The following PTPRD variants were observed in gnomAD, a reference collection of about 807,000 sequenced individuals.
The protein encoded by PTPRD is protein tyrosine phosphatase receptor type D, also known as receptor-type tyrosine-protein phosphatase delta.
A neutral mutation model predicts 214.5 loss-of-function variants in PTPRD; 34 were observed. That is an observed-to-expected ratio of 0.16 (90% confidence interval 0.12 to 0.21). PTPRD has a LOEUF of 0.21. Among genes scored for constraint, PTPRD ranks in the 10% least tolerant of loss-of-function variants. The probability of loss-of-function intolerance (pLI) is 1.00; values close to 1 mark genes in which losing one functional copy is unlikely to be tolerated. For synonymous variants in PTPRD, 1,128 were observed against 845.7 expected (o/e 1.33, Z -5.79); for missense variants, 2,545 against 2,398.7 (o/e 1.06, Z -1.27).
chr9:9,310,125 G>C (rs1384427715), intron 9 of PTPRD, among the ~76,000 whole-genome samples: 1 of 152,098 alleles, frequency 6.6e-6, no homozygotes, highest in Admixed American at 6.6e-5. Flanking sequence ...TTTCCAGACT[G>C]TGTATACTAA....
intron 25 of PTPRD, 25 bp downstream of exon 25, chr9:8,499,622 G>C (rs759740391): frequency 5.5e-5 from 88 of 1,593,548 alleles, no homozygotes; most frequent in Admixed American, 1.3e-4. Flanking sequence ...TATAAAAACA[G>C]AGGTACATAA....
chr9:9,504,285 G>A (rs765512103), intron 8 of PTPRD, among the ~76,000 whole-genome samples: 26 of 151,548 alleles, frequency 1.7e-4, no homozygotes, highest in Non-Finnish European at 3.2e-4. Context: ...TGTTTTATAT[G>A]TCTTTACCCA....
intron 9 of PTPRD, among the ~76,000 whole-genome samples, chr9:9,220,220 T>C (rs550943759): frequency 6.6e-6 from 1 of 152,140 alleles, no homozygotes; most frequent in South Asian, 2.1e-4. Flanking sequence ...CACATTCAAA[T>C]AATTATTGTA....
intron 8 of PTPRD, among the ~76,000 whole-genome samples, chr9:9,430,560 G>C (rs1165502124): frequency 2.0e-5 from 3 of 152,080 alleles, no homozygotes; most frequent in Non-Finnish European, 2.9e-5. Flanking sequence ...CTACTTTAAA[G>C]TTCATATGGA....
At chr9:8,694,370 C>G (rs1597207852) in intron 12 of PTPRD, among the ~76,000 whole-genome samples, 1 of 151,854 alleles carries the variant, frequency 6.6e-6, no homozygotes, top group South Asian at 2.1e-4. Context: ...CCTCTAACCC[C>G]AAAACAAATG....
intron 8 of PTPRD, among the ~76,000 whole-genome samples, chr9:9,466,824 C>A (rs1284839186): frequency 1.3e-5 from 2 of 152,004 alleles, no homozygotes; most frequent in African/African-American, 4.8e-5. Flanking sequence ...GATGTGTTGT[C>A]TTCTTCTCCT....
chr9:9,839,722 C>CA (rs1183106819), intron 5 of PTPRD, among the ~76,000 whole-genome samples: 1 of 151,988 alleles, frequency 6.6e-6, no homozygotes, highest in Non-Finnish European at 1.5e-5. Flanking sequence ...CGTATGGAAC[C>CA]AAAAAAGAGC....
At chr9:10,002,958 T>TA (rs2096368681) in intron 4 of PTPRD, among the ~76,000 whole-genome samples, 1 of 151,680 alleles carries the variant, frequency 6.6e-6, no homozygotes, top group Non-Finnish European at 1.5e-5. Context: ...ATATTTAAAA[T>TA]AATTAAAAAT....
intron 5 of PTPRD, among the ~76,000 whole-genome samples, chr9:9,775,630 A>G (rs2098791404): frequency 6.6e-6 from 1 of 152,000 alleles, no homozygotes; most frequent in African/African-American, 2.4e-5. Context: ...CTTTCATTCT[A>G]TTATAGGGAG....
intron 2 of PTPRD, among the ~76,000 whole-genome samples, chr9:10,531,444 A>C (rs1005992956): frequency 1.3e-5 from 2 of 152,196 alleles, no homozygotes; most frequent in Non-Finnish European, 2.9e-5. Flanking sequence ...CATCACTGAC[A>C]CATTAAAATA....
At chr9:8,782,550 AC>A (rs781219534) in intron 11 of PTPRD, among the ~76,000 whole-genome samples, 11 of 151,450 alleles carry the variant, frequency 7.3e-5, no homozygotes, top group African/African-American at 1.5e-4. Flanking sequence ...GGAACCCTCA[AC>A]CTATTTCAGT....
intron 2 of PTPRD, among the ~76,000 whole-genome samples, chr9:10,506,886 C>G (rs138727336): frequency 7.2e-5 from 11 of 152,140 alleles, no homozygotes; most frequent in African/African-American, 2.6e-4. Flanking sequence ...ATAATGTACC[C>G]TTCTCTGTGC....
chr9:8,527,735 T>G (rs2074575824), intron 15 of PTPRD, among the ~76,000 whole-genome samples: 1 of 152,114 alleles, frequency 6.6e-6, no homozygotes. Flanking sequence ...GAATTATCTC[T>G]ACTTTTAATC....
chr9:9,446,467 T>C (rs1443386329), intron 8 of PTPRD, among the ~76,000 whole-genome samples: 1 of 152,178 alleles, frequency 6.6e-6, no homozygotes, highest in Non-Finnish European at 1.5e-5. Context: ...CCTGAGACTT[T>C]CGTGAGGTTT....
At chr9:8,640,221 G>A (rs568219601) in intron 12 of PTPRD, among the ~76,000 whole-genome samples, 2 of 152,240 alleles carry the variant, frequency 1.3e-5, no homozygotes, top group African/African-American at 2.4e-5. Context: ...GAGCCATCAC[G>A]ACACGCAGAG....
At chr9:9,422,814 T>C (rs1422309228) in intron 8 of PTPRD, among the ~76,000 whole-genome samples, 1 of 152,118 alleles carries the variant, frequency 6.6e-6, no homozygotes, top group Non-Finnish European at 1.5e-5. Flanking sequence ...CTTGAGACCT[T>C]TGCAGTTCTT....
intron 9 of PTPRD, among the ~76,000 whole-genome samples, chr9:9,216,979 C>T (rs770013456): frequency 1.1e-4 from 17 of 151,664 alleles, no homozygotes; most frequent in Non-Finnish European, 5.9e-5. Context: ...ATTAGTTCTG[C>T]GGGATTTTAA....
chr9:8,914,815 T>C (rs1322877762), intron 11 of PTPRD, among the ~76,000 whole-genome samples: 1 of 152,126 alleles, frequency 6.6e-6, no homozygotes, highest in Non-Finnish European at 1.5e-5. Flanking sequence ...TGATTTAAGG[T>C]ACCAATAAAA....
intron 14 of PTPRD, among the ~76,000 whole-genome samples, chr9:8,598,466 TA>T (rs1692183959): frequency 7.1e-6 from 1 of 140,930 alleles, no homozygotes; most frequent in East Asian, 1.9e-4. Flanking sequence ...CTCAAAAAAA[TA>T]AAATAAATAA....
Sources: allele counts gnomAD v4.1 joint callset (sites outside exome capture counted in the v4.1 genomes callset), GRCh38; gene constraint gnomAD v4.1.1; transcripts MANE v1.5; gene names NCBI Gene and HGNC (gene_info 2026-07-23, HGNC 2026-07-21).